PIRT: variants seen among roughly 807,000 people sequenced by gnomAD.
The protein encoded by PIRT is phosphoinositide-interacting protein.
A neutral mutation model predicts 7.9 loss-of-function variants in PIRT; 6 were observed. The ratio of observed to expected loss-of-function variants is 0.76; its 90% CI spans 0.42 to 1.51. The LOEUF (loss-of-function observed/expected upper bound fraction) is 1.51. Among genes scored for constraint, PIRT ranks in the 40% most tolerant of loss-of-function variants. The pLI is 0.01. For missense variants in PIRT, 170 were observed against 172.9 expected (o/e 0.98, Z 0.09); for synonymous variants, 78 against 71.8 (o/e 1.09, Z -0.44).
chr17:10,829,371 G>A (rs1165399768), intron 1 of PIRT, among the ~76,000 whole-genome samples: 1 of 152,196 alleles, frequency 6.6e-6, no homozygotes. Context: ...GTGTTGAACT[G>A]GAGGCTGGGG....
intron 1 of PIRT, among the ~76,000 whole-genome samples, chr17:10,833,696 G>A (rs1276931137): frequency 1.3e-5 from 2 of 152,104 alleles, no homozygotes; most frequent in Non-Finnish European, 2.9e-5. Context: ...GGAAGTTGCA[G>A]TGAGCCGAGA....
At position 10,825,231 on chromosome 17, in the gene PIRT, A is replaced by C. The variant is rs778628245; in HGVS notation, c.*1T>G. 3 of 1,613,006 alleles carry C rather than the reference A, an allele frequency of 1.9e-6. No individual in the cohort carries two copies. Among genetic ancestry groups the C allele is most frequent in the Non-Finnish European group, 2.5e-6 (3 of 1,179,252 alleles). The stretch of plus-strand genomic sequence containing the variant: ...GTGGCAGGGAGATGCGGAAACCACC[A>C]TCAGCGAGTCAGGAAGAAGGACTTG... On this transcript the variant is annotated 3_prime_UTR_variant, in exon 2 of 2. Coordinates refer to ENST00000580256, the MANE Select transcript of PIRT (RefSeq NM_001101387.2).
intron 1 of PIRT, among the ~76,000 whole-genome samples, chr17:10,837,691 C>T (rs1390020514): frequency 6.6e-6 from 1 of 152,186 alleles, no homozygotes; most frequent in Non-Finnish European, 1.5e-5. Context: ...CACAAATTCC[C>T]TTCTTCCCAG....
At chr17:10,831,521 T>TACAAACC (rs1481728568) in intron 1 of PIRT, among the ~76,000 whole-genome samples, 2 of 152,098 alleles carry the variant, frequency 1.3e-5, no homozygotes. Flanking sequence ...GGAATGTTTC[T>TACAAACC]ACAAACCAAG....
chr17:10,826,672 G>A (rs905093644), intron 1 of PIRT, among the ~76,000 whole-genome samples: 1 of 152,222 alleles, frequency 6.6e-6, no homozygotes, highest in African/African-American at 2.4e-5. Flanking sequence ...AAGATCACAC[G>A]ATAAGGAACA....
At chr17:10,836,409 T>C (rs956156940) in intron 1 of PIRT, among the ~76,000 whole-genome samples, 2 of 152,194 alleles carry the variant, frequency 1.3e-5, no homozygotes, top group African/African-American at 4.8e-5. Context: ...ATTTAGAGAA[T>C]AAAACTACAA....
At chr17:10,831,537 C>T (rs1905461936) in intron 1 of PIRT, among the ~76,000 whole-genome samples, 1 of 152,010 alleles carries the variant, frequency 6.6e-6, no homozygotes, top group Non-Finnish European at 1.5e-5. Flanking sequence ...CCAAGGCATG[C>T]CAAGGGTTGC....
rs1034229634 is a variant in PIRT, at chr17:10,823,196, C to G, written c.*2036G>C. ...GGGAAATGATCTGCAAGGTTTGTCA[C>G]TGAGGCACTAAAACTACAATTAACG... On this transcript the variant is annotated 3_prime_UTR_variant, in exon 2 of 2. Coordinates refer to ENST00000580256, the MANE Select transcript of PIRT (RefSeq NM_001101387.2). 1 of 152,272 alleles carries G rather than the reference C, an allele frequency of 6.6e-6. No homozygotes were observed. The highest frequency in any genetic ancestry group is 1.5e-5 in the Non-Finnish European group (1 of 68,060). The allele number at this position is 152,272 out of a possible 1,614,324, so 9.4% of individuals were successfully genotyped here.
chr17:10,832,127 G>A (rs1905476622), intron 1 of PIRT, among the ~76,000 whole-genome samples: 1 of 152,154 alleles, frequency 6.6e-6, no homozygotes, highest in South Asian at 2.1e-4. Flanking sequence ...TGAGAGCTTA[G>A]GATAGTGGCT....
intron 1 of PIRT, among the ~76,000 whole-genome samples, chr17:10,826,772 T>C (rs1228182186): frequency 6.6e-6 from 1 of 152,182 alleles, no homozygotes; most frequent in African/African-American, 2.4e-5. Context: ...TTTCACGTGC[T>C]CTGTCAGCAG....
chr17:10,834,894 T>C (rs1477750415), intron 1 of PIRT, among the ~76,000 whole-genome samples: 3 of 144,434 alleles, frequency 2.1e-5, no homozygotes, highest in Non-Finnish European at 4.6e-5. Context: ...CCAGCGTTGT[T>C]TGTTTTTTTT....
intron 1 of PIRT, among the ~76,000 whole-genome samples, chr17:10,831,581 C>T (rs1232903647): frequency 6.6e-6 from 1 of 152,146 alleles, no homozygotes; most frequent in Non-Finnish European, 1.5e-5. Flanking sequence ...AGTGAATTCT[C>T]CCTCTGAGCC....
At chr17:10,829,744 G>A (rs1905417532) in intron 1 of PIRT, among the ~76,000 whole-genome samples, 1 of 152,176 alleles carries the variant, frequency 6.6e-6, no homozygotes, top group African/African-American at 2.4e-5. Context: ...GACCCACTAC[G>A]TGACGTGAGA....
At chr17:10,837,252 G>A (rs931279908) in intron 1 of PIRT, among the ~76,000 whole-genome samples, 2 of 152,238 alleles carry the variant, frequency 1.3e-5, no homozygotes, top group African/African-American at 4.8e-5. Context: ...TCGGGCGATT[G>A]CGTGTGTGAC....
rs565988942 is a variant in PIRT, at chr17:10,823,931, T to G, written c.*1301A>C. The G allele has an allele frequency of 6.6e-6, 1 of 152,378 alleles. No individual in the cohort carries two copies. Among genetic ancestry groups the G allele is most frequent in the South Asian group, 2.1e-4 (1 of 4,832 alleles). The allele number at this position is 152,378 out of a possible 1,614,324, so 9.4% of individuals were successfully genotyped here. A position where few individuals can be genotyped will look rare whatever the true frequency, so the allele number is the denominator to read the frequency against. On this transcript the variant is annotated 3_prime_UTR_variant, in exon 2 of 2. Transcript: ENST00000580256. ...GCCGTGCAGTTTCCTAATTCCATCATGCTTCTCCTTCCCCAAGCTACTCCT... is the reference window on the plus strand; with the variant it reads ...GCCGTGCAGTTTCCTAATTCCATCAGGCTTCTCCTTCCCCAAGCTACTCCT...
rs1225926700 is a variant in PIRT, at chr17:10,824,922, G to A, written c.*310C>T. 4 of 361,024 alleles carry A rather than the reference G, an allele frequency of 1.1e-5. No homozygotes were observed. Among genetic ancestry groups the A allele is most frequent in the Non-Finnish European group, 2.0e-5 (4 of 198,396 alleles). The allele number at this position is 361,024 out of a possible 1,614,324, so 22.4% of individuals were successfully genotyped here. On this transcript the variant is annotated 3_prime_UTR_variant, in exon 2 of 2. Transcript: ENST00000580256. ...CCACCTTCGAAGAATTTCCCAGCAT[G>A]CATTGCACTTGGCAGAGAGAGTTGG... is the stretch of plus-strand genomic sequence containing the variant.
chr17:10,828,299 A>C (rs1046395690), intron 1 of PIRT, among the ~76,000 whole-genome samples: 1 of 151,986 alleles, frequency 6.6e-6, no homozygotes, highest in Non-Finnish European at 1.5e-5. Flanking sequence ...GACTTTCCTT[A>C]AGCAGCTCTC....
At chr17:10,836,218 T>C (rs1031343377) in intron 1 of PIRT, among the ~76,000 whole-genome samples, 1 of 152,164 alleles carries the variant, frequency 6.6e-6, no homozygotes, top group Non-Finnish European at 1.5e-5. Context: ...TGCTCTTTTA[T>C]TTATGCTTTC....
At chr17:10,836,939 C>T (rs1012981790) in intron 1 of PIRT, among the ~76,000 whole-genome samples, 8 of 152,286 alleles carry the variant, frequency 5.3e-5, no homozygotes, top group South Asian at 4.2e-4. Context: ...GTCATCCCCA[C>T]GGTCCCTTAT....
Sources: gnomAD v4.1 joint callset for allele counts (sites outside exome capture counted in the v4.1 genomes callset) on GRCh38, gnomAD v4.1.1 for gene constraint, MANE v1.5 for transcripts, NCBI Gene and HGNC (gene_info 2026-07-23, HGNC 2026-07-21) for gene names.